The following PGBD2 variants were observed in gnomAD, a reference collection of about 807,000 sequenced individuals.
PGBD2 encodes piggyBac transposable element-derived protein 2.
Under a neutral mutation model 8.1 loss-of-function variants are expected in PGBD2, and 6 were observed. The observed-to-expected ratio is 0.74, with a 90% CI of 0.40 to 1.46. The LOEUF (loss-of-function observed/expected upper bound fraction) is 1.46. Ranked by LOEUF, PGBD2 falls within the 40% of genes most tolerant of loss-of-function variation. PGBD2 has a pLI of 0.02. For missense variants in PGBD2, 802 were observed against 739.0 expected (o/e 1.09, Z -0.99); for synonymous variants, 318 against 272.2 (o/e 1.17, Z -1.66).
At chr1:248,888,588 T>G in the PGBD2 span, among the ~76,000 whole-genome samples, 2 of 152,202 alleles carry the variant, frequency 1.3e-5, no homozygotes, top group Admixed American at 6.5e-5. Flanking sequence ...TTAATGGAGT[T>G]GTTTTTTGCT....
At chr1:248,906,655 CA>C (rs1274118093) in intron 1 of PGBD2, among the ~76,000 whole-genome samples, 5 of 25,030 alleles carry the variant, frequency 2.0e-4, no homozygotes, top group Non-Finnish European at 3.8e-4. Context: ...GGGACCAGGG[CA>C]GGCTCGGGCG....
At chr1:248,873,320 G>T in the PGBD2 span, among the ~76,000 whole-genome samples, 1 of 152,194 alleles carries the variant, frequency 6.6e-6, no homozygotes, top group Admixed American at 6.5e-5. Flanking sequence ...TCTGACCTAG[G>T]ACCTCCCGAT....
chr1:248,873,870 T>A, the PGBD2 span, among the ~76,000 whole-genome samples: 1 of 152,030 alleles, frequency 6.6e-6, no homozygotes, highest in African/African-American at 2.4e-5. Context: ...GATGGCCGAG[T>A]GGTCTAAGGC....
chr1:248,901,270 G>A (rs754536099), upstream of PGBD2, among the ~76,000 whole-genome samples: 1 of 151,830 alleles, frequency 6.6e-6, no homozygotes, highest in Admixed American at 6.6e-5. Context: ...CCAAAAAAAA[G>A]TCCTAATAGC....
At chr1:248,903,489 C>T (rs1661568051), upstream of PGBD2, among the ~76,000 whole-genome samples, 1 of 152,196 alleles carries the variant, frequency 6.6e-6, no homozygotes, top group Non-Finnish European at 1.5e-5. Flanking sequence ...ACTGCCCAGC[C>T]TGATTCTTAA....
the PGBD2 span, among the ~76,000 whole-genome samples, chr1:248,928,969 C>T: frequency 4.6e-5 from 7 of 152,186 alleles, no homozygotes; most frequent in Non-Finnish European, 1.0e-4. Flanking sequence ...TTCTCTAGAC[C>T]ATCAGTTCTA....
At chr1:248,880,919 T>C in the PGBD2 span, among the ~76,000 whole-genome samples, 3 of 152,148 alleles carry the variant, frequency 2.0e-5, no homozygotes, top group Non-Finnish European at 4.4e-5. Flanking sequence ...TTTAATTTGT[T>C]CCCTAGTCAT....
downstream of PGBD2, among the ~76,000 whole-genome samples, chr1:248,921,724 G>T (rs574430519): frequency 1.3e-4 from 20 of 152,280 alleles, no homozygotes; most frequent in African/African-American, 4.3e-4. Context: ...ATTACTTTGG[G>T]CAGTGTGGCC....
intron 1 of PGBD2, among the ~76,000 whole-genome samples, chr1:248,910,905 A>G (rs1661848240): frequency 6.6e-6 from 1 of 152,102 alleles, no homozygotes; most frequent in South Asian, 2.1e-4. Context: ...GTATATTCGA[A>G]GTGTGTAATT....
the PGBD2 span, among the ~76,000 whole-genome samples, chr1:248,900,210 G>A: frequency 6.6e-6 from 1 of 151,502 alleles, no homozygotes; most frequent in Admixed American, 6.6e-5. Context: ...CAATTGAAAA[G>A]GAGGGACTCC....
chr1:248,875,324 A>AAAAAAAAAAAAAAAG, the PGBD2 span, among the ~76,000 whole-genome samples: 1 of 149,354 alleles, frequency 6.7e-6, no homozygotes, highest in African/African-American at 2.5e-5. Flanking sequence ...AAAAAAAAAA[A>AAAAAAAAAAAAAAAG]AAAAGAAAAG....
intron 1 of PGBD2, among the ~76,000 whole-genome samples, chr1:248,908,127 C>G (rs544107903): frequency 6.6e-6 from 1 of 152,310 alleles, no homozygotes; most frequent in Admixed American, 6.5e-5. Flanking sequence ...AATTTCTTTA[C>G]TCTCACCTAT....
chr1:248,914,784 G>A (rs1050579653), intron 2 of PGBD2, among the ~76,000 whole-genome samples: 7 of 152,202 alleles, frequency 4.6e-5, no homozygotes, highest in East Asian at 1.9e-4. Flanking sequence ...CTGGGGCTAC[G>A]TATGGCAGCT....
intron 1 of PGBD2, among the ~76,000 whole-genome samples, chr1:248,909,203 T>C (rs917665655): frequency 6.6e-6 from 1 of 152,104 alleles, no homozygotes; most frequent in African/African-American, 2.4e-5. Context: ...GCAAGAAAGA[T>C]GGAGGAGCCA....
intron 1 of PGBD2, among the ~76,000 whole-genome samples, chr1:248,910,361 T>C (rs1278839846): frequency 6.6e-6 from 1 of 152,210 alleles, no homozygotes; most frequent in East Asian, 1.9e-4. Flanking sequence ...GTTTTGAACC[T>C]GAAATTATAG....
chr1:248,916,482 G>A, intron 2 of PGBD2, 120 bp from the exon 3 acceptor site: 2 of 768,612 alleles, frequency 2.6e-6, no homozygotes, highest in Non-Finnish European at 4.2e-6. Context: ...GCCTTGTGAT[G>A]CCAGATCTGT....
chr1:248,920,487 T>C (rs1572284251), downstream of PGBD2, among the ~76,000 whole-genome samples: 1 of 152,368 alleles, frequency 6.6e-6, no homozygotes, highest in East Asian at 1.9e-4. Context: ...CATCCTTTTT[T>C]TATGGCTGCA....
chr1:248,874,262 G>T, the PGBD2 span, among the ~76,000 whole-genome samples: 1 of 152,182 alleles, frequency 6.6e-6, no homozygotes, highest in Non-Finnish European at 1.5e-5. Context: ...TGGTGGTCTA[G>T]TGGTTAGGAT....
chr1:248,928,122 T>C, the PGBD2 span, among the ~76,000 whole-genome samples: 1 of 152,228 alleles, frequency 6.6e-6, no homozygotes, highest in Non-Finnish European at 1.5e-5. Context: ...CCTGCTTTTT[T>C]GTCCCAGCAG....
Sources: allele counts gnomAD v4.1 joint callset (sites outside exome capture counted in the v4.1 genomes callset), GRCh38; gene constraint gnomAD v4.1.1; transcripts MANE v1.5; gene names NCBI Gene and HGNC (gene_info 2026-07-23, HGNC 2026-07-21).